The following SHOX2 variants were observed in gnomAD, a reference collection of about 807,000 sequenced individuals.
The protein encoded by SHOX2 is SHOX homeobox 2.
In SHOX2, 13 loss-of-function variants were observed where a neutral mutation model predicts 31.3. The ratio of observed to expected loss-of-function variants is 0.42; its 90% confidence interval spans 0.27 to 0.66. The LOEUF is 0.66. Ranked by LOEUF, SHOX2 falls within the 30% of genes least tolerant of loss-of-function variation. The probability of loss-of-function intolerance (pLI) is 0.27; values close to 1 mark genes in which losing one functional copy is unlikely to be tolerated. For synonymous variants in SHOX2, 244 were observed against 196.2 expected (o/e 1.24, Z -2.04); for missense variants, 473 against 443.0 (o/e 1.07, Z -0.61).
chr3:158,102,959 C>A lies in SHOX2; in HGVS notation c.347-73G>T, dbSNP rs998552810. 6.1e-6 allele frequency: 8 copies of A among 1,304,780 alleles called. No individual in the cohort carries two copies. In the Admixed American group the frequency reaches 1.0e-4, roughly 16 times the overall value. 80.8% of individuals were successfully genotyped at this position (1,304,780 alleles called of 1,614,324 possible). Reference sequence around the variant, plus strand: ...ACACACACACGCACACACACACGGACGAAAACAGCACAGCAAATCCTGTTA... The same window carrying A: ...ACACACACACGCACACACACACGGAAGAAAACAGCACAGCAAATCCTGTTA... On this transcript the variant is annotated intron_variant, in intron 1 of 4. Coordinates refer to ENST00000483851, the MANE Select transcript of SHOX2 (RefSeq NM_001163678.2).
chr3:158,099,961 C>T lies in SHOX2; in HGVS notation c.614-13G>A, dbSNP rs537722270. The T allele has an allele frequency of 5.0e-6, 8 of 1,609,512 alleles. No homozygotes were observed. Among genetic ancestry groups the T allele is most frequent in the East Asian group, 4.5e-5 (2 of 44,856 alleles). On this transcript the variant is annotated splice_polypyrimidine_tract_variant and intron_variant, in intron 3 of 4. Transcript: ENST00000483851. ...CCTATGAGAACACCTGTAAAAAGTA[C>T]AAGAGAAAAATAATGTGAGGTTAAC...
intron 1 of SHOX2, chr3:158,103,104 C>CGCCTGG (rs1713620770): frequency 8.4e-6 from 5 of 595,126 alleles, no homozygotes; most frequent in African/African-American, 1.9e-5. Flanking sequence ...TCTGAGCGGC[C>CGCCTGG]GCCTGGGGCA....
chr3:158,105,226 C>A, intron 1 of SHOX2: 1 of 749,824 alleles, frequency 1.3e-6, no homozygotes. Flanking sequence ...ACCTAGGCGA[C>A]CGGAGGGTTA....
chr3:158,106,003 C>A lies in SHOX2; in HGVS notation c.22G>T (p.Val8Phe). 1.9e-6 allele frequency: 3 copies of A among 1,613,114 alleles called. No individual in the cohort carries two copies. In the African/African-American group the frequency reaches 4.0e-5, roughly 22 times the overall value. Residue 8 changes from valine (V) to phenylalanine (F), a missense_variant, in exon 1 of 5, where the codon GTC becomes TTC. Val to Phe is a conservative substitution (Grantham distance 50). Around this residue, in one of 3 missense-constraint regions of SHOX2, gnomAD observed 276 missense variants for 230.0 expected, o/e 1.20. Coordinates refer to ENST00000483851, the MANE Select transcript of SHOX2 (RefSeq NM_001163678.2). ...ACTTTCTGGTCAAAAGACTTGGAGA[C>A]GAACGCCGTAAGTTCTTCCATCGCC... MEELTAFVSKSFDQKVKE... is the reference protein window; with the variant it reads MEELTAFFSKSFDQKVKE...
At chr3:158,105,296 G>A (rs938326866) in intron 1 of SHOX2, 1 of 609,470 alleles carries the variant, frequency 1.6e-6, no homozygotes, top group Admixed American at 2.9e-5. Flanking sequence ...GCTAGCTTTA[G>A]TCCCGCCGTC....
chr3:158,098,858 A>G (rs1159384350), intron 4 of SHOX2, among the ~76,000 whole-genome samples: 1 of 152,140 alleles, frequency 6.6e-6, no homozygotes, highest in East Asian at 1.9e-4. Flanking sequence ...GGGGCCTGAG[A>G]TTCTGAATTT....
chr3:158,096,089 A>C lies in SHOX2; in HGVS notation c.*1938T>G, dbSNP rs1713048141. ...ACTTGGCACTTATTTAAAAGGTTTA[A>C]CAGAATTGGAGGCGACACATTTTGT... is the stretch of plus-strand genomic sequence containing the variant. On this transcript the variant is annotated 3_prime_UTR_variant, in exon 5 of 5. Transcript: ENST00000483851. 6.5e-6 allele frequency: 1 copy of C among 152,674 alleles called. No homozygotes were observed. The highest frequency in any genetic ancestry group is 2.4e-5 in the African/African-American group (1 of 41,458). The allele number at this position is 152,674 out of a possible 1,614,324, so 9.5% of individuals were successfully genotyped here.
At chr3:158,104,908 T>C in intron 1 of SHOX2, 1 of 623,086 alleles carries the variant, frequency 1.6e-6, no homozygotes, top group Non-Finnish European at 2.8e-6. Context: ...GCTCTGCCAT[T>C]GAGATAAAGA....
In SHOX2 at chr3:158,105,869, G is replaced by A; in HGVS notation, c.156C>T (p.Ser52=). ...CGCCGGCCGCCCGGACTGCCGGGCT[G>A]CTGCGGTCGTCGCGGCCCGCCTCGG... ...GCTEAGRDDR[S]SPAVRAAGGG... Residue 52 remains serine (S), a synonymous_variant, in exon 1 of 5, where the codon AGC becomes AGT. Transcript: ENST00000483851. The A allele has an allele frequency of 6.6e-7, 1 of 1,511,660 alleles. No individual in the cohort carries two copies. Among genetic ancestry groups the A allele is most frequent in the Non-Finnish European group, 8.8e-7 (1 of 1,134,958 alleles). The allele number at this position is 1,511,660 out of a possible 1,614,324, so 93.6% of individuals were successfully genotyped here. A position where few individuals can be genotyped will look rare whatever the true frequency, so the allele number is the denominator to read the frequency against.
chr3:158,102,057 C>T lies in SHOX2; in HGVS notation c.555+621G>A, dbSNP rs566922726. On this transcript the variant is annotated intron_variant, in intron 2 of 4. Transcript: ENST00000483851. ...AATCTAATGTATTTAGGGTCAGTTT[C>T]GTTGCCTTGGTTAAATGAATGAACA... Among the ~76,000 whole-genome samples the T allele has an allele frequency of 4.6e-5, 7 of 152,292 alleles. 1 individual carries two copies. Among genetic ancestry groups the T allele is most frequent in the African/African-American group, 1.7e-4 (7 of 41,550 alleles).
Position 158,098,256 on chromosome 3 carries a change from G to T in SHOX2, c.731C>A (p.Ala244Asp), listed in dbSNP as rs757640904. Residue 244 changes from alanine to aspartate, a missense_variant, in exon 5 of 5, where the codon GCT (alanine) becomes GAT (aspartate). Transcript: ENST00000483851. ...QVQAQLQLDS[A>D]VAHAHHHLHP... is the part of the protein sequence containing the mutation. ...CAGGTGGTGGTGCGCGTGCGCCACA[G>T]CGCTGTCCAGCTGCAGCTGCGCCTG... is the stretch of plus-strand genomic sequence containing the variant. 6.2e-7 allele frequency: 1 copy of T among 1,613,888 alleles called. No individual in the cohort carries two copies. Among genetic ancestry groups the T allele is most frequent in the South Asian group, 1.1e-5 (1 of 91,010 alleles).
intron 1 of SHOX2, chr3:158,103,946 A>G (rs1322851577): frequency 1.3e-5 from 2 of 152,300 alleles, no homozygotes. Context: ...CTTTAAAAAC[A>G]GGAGCTCTTC....
rs1559893678 is a variant in SHOX2, at chr3:158,096,932, G to GTATATATATATATA, written c.*1094_*1095insTATATATATATATA. On this transcript the variant is annotated 3_prime_UTR_variant, in exon 5 of 5. Transcript: ENST00000483851. ...TATATATATATATATATATATATAT[G>GTATATATATATATA]GCAAATATATGATATATATATATGG... is the stretch of plus-strand genomic sequence containing the variant. 39 of 40,638 alleles carry GTATATATATATATA rather than the reference G, an allele frequency of 9.6e-4. No homozygotes were observed. The highest frequency in any genetic ancestry group is 3.0e-3 in the African/African-American group (36 of 11,974). 2.5% of individuals were successfully genotyped at this position (40,638 alleles called of 1,614,324 possible).
In SHOX2 at chr3:158,105,908, C is replaced by G. The variant is rs1309748250; in HGVS notation, c.117G>C (p.Glu39Asp). ...GGCCCGCCTCGGTGCAGCCGGTCGG[C>G]TCCTTGGCCCCGCGCAGCGGCCCGC... ...LESGPLRGAK[E>D]PTGCTEAGRD... is the part of the protein sequence containing the mutation. The change falls in exon 1 of 5, where the codon GAG (glutamate) becomes GAC (aspartate). Residue 39 changes from glutamate (E) to aspartate (D), a missense_variant. Glu to Asp is a conservative substitution (Grantham distance 45). Around this residue, in one of 3 missense-constraint regions of SHOX2, gnomAD observed 276 missense variants for 230.0 expected, o/e 1.20. Transcript: ENST00000483851. The G allele has an allele frequency of 2.5e-6, 4 of 1,597,368 alleles. No individual in the cohort carries two copies. In the South Asian group the frequency reaches 4.4e-5, roughly 18 times the overall value.
chr3:158,105,836 G>GCCGCCT lies in SHOX2; in HGVS notation c.183_188dup (p.Gly76_Gly77dup), dbSNP rs767058066. ...CGCCGCCGCCTCCGCCTCCTCCGCC[G>GCCGCCT]CCGCCTCCGCCGGCCGCCCGGACTG... On this transcript the variant is annotated inframe_insertion, in exon 1 of 5. Transcript: ENST00000483851. 79 of 1,443,958 alleles carry GCCGCCT rather than the reference G, an allele frequency of 5.5e-5. 3 individuals carry two copies. The South Asian group carries it at 5.9e-4, about 11-fold the overall frequency. The allele number at this position is 1,443,958 out of a possible 1,614,324, so 89.4% of individuals were successfully genotyped here.
chr3:158,105,560 TC>T, intron 1 of SHOX2, 118 bp downstream of exon 1: 1 of 835,682 alleles, frequency 1.2e-6, no homozygotes, highest in Non-Finnish European at 1.8e-6. Flanking sequence ...AAAGCTGGGG[TC>T]CAGGGCCCTC....
intron 1 of SHOX2, among the ~76,000 whole-genome samples, chr3:158,104,527 C>T (rs1363047353): frequency 1.3e-5 from 2 of 152,208 alleles, no homozygotes; most frequent in African/African-American, 4.8e-5. Flanking sequence ...AGTATTTTTA[C>T]TGATATTGTA....
chr3:158,097,983 C>T lies in SHOX2; in HGVS notation c.*44G>A. On this transcript the variant is annotated 3_prime_UTR_variant, in exon 5 of 5. Coordinates refer to ENST00000483851, the MANE Select transcript of SHOX2 (RefSeq NM_001163678.2). Reference sequence around the variant, plus strand: ...CAGCGGGGCGCGGAGGGCGTGCAGGCTGAGTGCCGCGGGACAGGCGCGACA... The same window carrying T: ...CAGCGGGGCGCGGAGGGCGTGCAGGTTGAGTGCCGCGGGACAGGCGCGACA... The T allele has an allele frequency of 1.3e-6, 2 of 1,551,754 alleles. No homozygotes were observed. The highest frequency in any genetic ancestry group is 1.7e-6 in the Non-Finnish European group (2 of 1,148,824).
In SHOX2 at chr3:158,106,015, G is replaced by A. The variant is rs1713905381; in HGVS notation, c.10C>T (p.Leu4Phe). The A allele has an allele frequency of 6.2e-7, 1 of 1,612,948 alleles. No homozygotes were observed. The highest frequency in any genetic ancestry group is 8.5e-7 in the Non-Finnish European group (1 of 1,179,618). ...AAAGACTTGGAGACGAACGCCGTAA[G>A]TTCTTCCATCGCCGCCGCACGTCAG... MEE[L>F]TAFVSKSFDQ... is the part of the protein sequence containing the mutation. The change falls in exon 1 of 5, where the codon CTT becomes TTT. Residue 4 changes from leucine (L) to phenylalanine (F), a missense_variant. Physicochemically the swap from Leu to Phe is conservative, Grantham distance 22. This residue lies in a region of SHOX2 where 276 missense variants were observed against 230.0 expected (regional missense o/e 1.20). Coordinates refer to ENST00000483851, the MANE Select transcript of SHOX2 (RefSeq NM_001163678.2).
Sources: gnomAD v4.1 joint callset for allele counts (sites outside exome capture counted in the v4.1 genomes callset) on GRCh38, gnomAD v4.1.1 for gene constraint, gnomAD v4.1.1 regional missense constraint, MANE v1.5 for transcripts, NCBI Gene and HGNC (gene_info 2026-07-23, HGNC 2026-07-21) for gene names.